The following SYMPK variants were observed in gnomAD, a reference collection of about 807,000 sequenced individuals.
SYMPK encodes the protein symplekin scaffold protein.
SYMPK carries 49 observed loss-of-function variants against 136.4 expected under a neutral mutation model. The ratio of observed to expected loss-of-function variants is 0.36; its 90% CI spans 0.29 to 0.46. The LOEUF (loss-of-function observed/expected upper bound fraction) is 0.46. Among genes scored for constraint, SYMPK ranks in the 20% least tolerant of loss-of-function variants. The probability of loss-of-function intolerance (pLI) is 1.00; values close to 1 mark genes in which losing one functional copy is unlikely to be tolerated. For synonymous variants in SYMPK, 766 were observed against 713.0 expected, an observed-to-expected ratio of 1.07 and a Z score of -1.19; for missense variants, 1,365 against 1,690.0, an observed-to-expected ratio of 0.81 and a Z score of 3.37.
At position 45,860,454 on chromosome 19, in the gene SYMPK, G is replaced by A. The variant is rs186592486; in HGVS notation, c.-13+2604C>T. Among the ~76,000 whole-genome samples, 153 of 139,892 alleles carry A rather than the reference G, an allele frequency of 1.1e-3. 1 individual carries two copies. The highest frequency in any genetic ancestry group is 3.6e-3 in the African/African-American group (136 of 37,484). 91.8% of individuals were successfully genotyped at this position (139,892 alleles called of 152,430 possible). Reference sequence around the variant, plus strand: ...GCGTGGGCAACAAGAGTGAAACTGCGTTTCAAATTAAAAAAAAAAAGAAAA... The same window carrying A: ...GCGTGGGCAACAAGAGTGAAACTGCATTTCAAATTAAAAAAAAAAAGAAAA... On this transcript the variant is annotated intron_variant, in intron 1 of 26. Transcript: ENST00000245934.
intron 8 of SYMPK, chr19:45,842,733 A>C (rs1399500713): frequency 2.0e-6 from 1 of 500,834 alleles, no homozygotes; most frequent in Non-Finnish European, 3.5e-6. Context: ...AATACATACA[A>C]TTTCGTCCTC....
At chr19:45,840,298 G>T (rs572572225) in intron 9 of SYMPK, among the ~76,000 whole-genome samples, 38 of 119,548 alleles carry the variant, frequency 3.2e-4, no homozygotes, top group Non-Finnish European at 6.0e-4. Flanking sequence ...CTGGGTGACA[G>T]AGCGAGACTG....
At position 45,848,824 on chromosome 19, in the gene SYMPK, A is replaced by G; in HGVS notation, c.352T>C (p.Leu118=). The G allele has an allele frequency of 6.2e-7, 1 of 1,614,088 alleles. No individual in the cohort carries two copies. Among genetic ancestry groups the G allele is most frequent in the Non-Finnish European group, 8.5e-7 (1 of 1,180,038 alleles). ...LKLIANLNML[L]RDENVNVVKK... Reference sequence around the variant, plus strand: ...ACCACGTTCACATTCTCGTCCCTCAAGAGCATGTTGAGGTTTGCAATGAGT... The same window carrying G: ...ACCACGTTCACATTCTCGTCCCTCAGGAGCATGTTGAGGTTTGCAATGAGT... The change falls in exon 6 of 27, where the codon TTG becomes CTG. Residue 118 remains leucine, a synonymous_variant. Coordinates refer to ENST00000245934, the MANE Select transcript of SYMPK (RefSeq NM_004819.3).
chr19:45,817,892 G>C, intron 23 of SYMPK, 67 bp downstream of exon 23: 1 of 1,461,136 alleles, frequency 6.8e-7, no homozygotes, highest in South Asian at 1.4e-5. Flanking sequence ...GACGGGGGAA[G>C]GGGAGGGCAA....
chr19:45,859,293 C>CT (rs926159530), intron 1 of SYMPK, among the ~76,000 whole-genome samples: 4 of 121,828 alleles, frequency 3.3e-5, no homozygotes, highest in African/African-American at 1.3e-4. Flanking sequence ...CTTGACAAGT[C>CT]TTTAAAAAAA....
rs1418277324 is a variant in SYMPK, at chr19:45,831,535, T to C, written c.1447A>G (p.Lys483Glu). 2 of 1,611,434 alleles carry C rather than the reference T, an allele frequency of 1.2e-6. No individual in the cohort carries two copies. Among genetic ancestry groups the C allele is most frequent in the Non-Finnish European group, 1.7e-6 (2 of 1,179,146 alleles). Residue 483 changes from lysine to glutamate, a missense_variant, in exon 12 of 27, where the codon AAG becomes GAG. Around this residue, in one of 11 missense-constraint regions of SYMPK, gnomAD observed 46 missense variants for 63.9 expected, o/e 0.72. Coordinates refer to ENST00000245934, the MANE Select transcript of SYMPK (RefSeq NM_004819.3). ...KEEPKEEKVV[K>E]TESVLIKRRL... ...CGCTTGATCAGGACGCTCTCTGTCT[T>C]CACCACCTTCTCCTCCTTGGGCTCC... is the stretch of plus-strand genomic sequence containing the variant.
At position 45,826,338 on chromosome 19, in the gene SYMPK, C is replaced by G. The variant is rs1456586359; in HGVS notation, c.2217G>C (p.Met739Ile). 6.2e-7 allele frequency: 1 copy of G among 1,614,178 alleles called. No individual in the cohort carries two copies. The highest frequency in any genetic ancestry group is 8.5e-7 in the Non-Finnish European group (1 of 1,180,028). Residue 739 changes from methionine to isoleucine, a missense_variant, in exon 17 of 27, where the codon ATG (methionine) becomes ATC (isoleucine). Transcript: ENST00000245934. ...RSQALLFIKR[M>I]YEKEQLREYV... ...ACTCCCGCAGCTGCTCCTTCTCATA[C>G]ATGCGTTTGATGAACAGCAGGGCCT...
In SYMPK at chr19:45,863,061, A is replaced by G. The variant is rs2146355944; in HGVS notation, c.-16T>C. 1 of 400,412 alleles carries G rather than the reference A, an allele frequency of 2.5e-6. No individual in the cohort carries two copies. The highest frequency in any genetic ancestry group is 4.4e-6 in the Non-Finnish European group (1 of 226,220). 24.8% of individuals were successfully genotyped at this position (400,412 alleles called of 1,614,324 possible). ...CCAAACGCCGCCTCCCGCTCACCGCAGCTCTGGCCTCCGTTCCCCTCGCGC... is the reference window on the plus strand; with the variant it reads ...CCAAACGCCGCCTCCCGCTCACCGCGGCTCTGGCCTCCGTTCCCCTCGCGC... On this transcript the variant is annotated 5_prime_UTR_variant, in exon 1 of 27. Coordinates refer to ENST00000245934, the MANE Select transcript of SYMPK (RefSeq NM_004819.3).
chr19:45,854,918 C>T (rs1971785187), intron 1 of SYMPK: 1 of 185,622 alleles, frequency 5.4e-6, no homozygotes, highest in South Asian at 1.0e-4. Context: ...TGCTCTGTCA[C>T]CCAGGTTGGA....
At chr19:45,849,485 G>C (rs1045044755) in intron 5 of SYMPK, among the ~76,000 whole-genome samples, 1 of 152,118 alleles carries the variant, frequency 6.6e-6, no homozygotes, top group Non-Finnish European at 1.5e-5. Flanking sequence ...GCTCAGCACA[G>C]AATTTTCACA....
intron 11 of SYMPK, among the ~76,000 whole-genome samples, chr19:45,833,929 A>G (rs1319314078): frequency 6.6e-6 from 1 of 152,222 alleles, no homozygotes; most frequent in African/African-American, 2.4e-5. Context: ...AGGTGGGCGG[A>G]TCACAAGGTC....
intron 11 of SYMPK, 98 bp downstream of exon 11, chr19:45,834,980 T>G: frequency 8.1e-7 from 1 of 1,232,698 alleles, no homozygotes; most frequent in Non-Finnish European, 1.1e-6. Context: ...TCCCACATGA[T>G]TTTCAACTGC....
intron 5 of SYMPK, among the ~76,000 whole-genome samples, chr19:45,850,854 T>A (rs187528559): frequency 6.6e-6 from 1 of 151,488 alleles, no homozygotes; most frequent in Non-Finnish European, 1.5e-5. Flanking sequence ...TAAAGAACAG[T>A]GAAGGTGGGG....
intron 19 of SYMPK, 84 bp from the exon 20 acceptor site, chr19:45,823,556 A>G (rs777921371): frequency 2.3e-5 from 31 of 1,330,330 alleles, no homozygotes; most frequent in Non-Finnish European, 3.1e-5. Flanking sequence ...AGAAGCAGGC[A>G]GGTGTGCAGG....
At position 45,826,315 on chromosome 19, in the gene SYMPK, T is replaced by G; in HGVS notation, c.2240A>C (p.Glu747Ala). The change falls in exon 17 of 27, where the codon GAG (glutamate) becomes GCG (alanine). Residue 747 changes from glutamate to alanine, a missense_variant. Transcript: ENST00000245934. ...KRMYEKEQLR[E>A]YVEKFALNYL... ...GTTGAGGGCAAATTTCTCCACATAC[T>G]CCCGCAGCTGCTCCTTCTCATACAT... The G allele has an allele frequency of 1.9e-6, 3 of 1,613,968 alleles. No homozygotes were observed. The highest frequency in any genetic ancestry group is 8.5e-7 in the Non-Finnish European group (1 of 1,179,990).
At chr19:45,817,160 C>A in intron 23 of SYMPK, 186 bp from the exon 24 acceptor site, 1 of 579,240 alleles carries the variant, frequency 1.7e-6, no homozygotes. Context: ...GCGGCTGGAC[C>A]ACGAGGGCAA....
At chr19:45,857,427 A>C (rs183563719) in intron 1 of SYMPK, among the ~76,000 whole-genome samples, 98 of 150,954 alleles carry the variant, frequency 6.5e-4, no homozygotes, top group African/African-American at 2.3e-3. Flanking sequence ...AAAAAAAAAA[A>C]AAAAAAACAC....
At chr19:45,859,454 C>T (rs1445250935) in intron 1 of SYMPK, among the ~76,000 whole-genome samples, 2 of 151,366 alleles carry the variant, frequency 1.3e-5, no homozygotes, top group Admixed American at 6.6e-5. Flanking sequence ...AAAAAAATTA[C>T]TTGGGCATGG....
chr19:45,839,754 C>T (rs761369052), intron 9 of SYMPK, among the ~76,000 whole-genome samples: 2 of 151,974 alleles, frequency 1.3e-5, no homozygotes, highest in Non-Finnish European at 2.9e-5. Flanking sequence ...ATGGTGTGAA[C>T]CCAGGAGGCG....
Sources: gnomAD v4.1 joint callset for allele counts (sites outside exome capture counted in the v4.1 genomes callset) on GRCh38, gnomAD v4.1.1 for gene constraint, gnomAD v4.1.1 regional missense constraint, MANE v1.5 for transcripts, NCBI Gene and HGNC (gene_info 2026-07-23, HGNC 2026-07-21) for gene names.